The following PLCL1 variants were observed in gnomAD, a reference collection of about 807,000 sequenced individuals.
The protein encoded by PLCL1 is inactive phospholipase C-like protein 1.
In PLCL1, 41 loss-of-function variants were observed where a neutral mutation model predicts 84.4. That is an observed-to-expected ratio of 0.49 (90% CI 0.38 to 0.63). The LOEUF (loss-of-function observed/expected upper bound fraction) is 0.63, where lower values mean the gene tolerates loss of function less well. Among genes scored for constraint, PLCL1 ranks in the 30% least tolerant of loss-of-function variants. The pLI is 0.00. For missense variants in PLCL1, 1,206 were observed against 1,367.8 expected, an observed-to-expected ratio of 0.88 and a Z score of 1.87; for synonymous variants, 490 against 488.3, an observed-to-expected ratio of 1.00 and a Z score of -0.05.
rs1330239576 is a variant in PLCL1, at chr2:198,085,998, C to T, written c.2481C>T (p.Pro827=). ...ECLQPGYRHV[P]LRSFVGDIME... is the part of the protein sequence containing the mutation. ...TGCAGCCTGGATATCGGCATGTTCC[C>T]CTGCGTTCTTTTGTGGGTGACATCA... Residue 827 remains proline, a synonymous_variant, in exon 2 of 6, where the codon CCC becomes CCT. Coordinates refer to ENST00000428675, the MANE Select transcript of PLCL1 (RefSeq NM_006226.4). The surrounding 1 kb of genome is among the most constrained non-coding windows in gnomAD (Gnocchi z 5.3). The T allele has an allele frequency of 6.2e-7, 1 of 1,614,012 alleles. No individual in the cohort carries two copies. Among genetic ancestry groups the T allele is most frequent in the Admixed American group, 1.7e-5 (1 of 60,002 alleles).
intron 1 of PLCL1, among the ~76,000 whole-genome samples, chr2:197,958,992 A>G (rs752038792): frequency 6.6e-6 from 1 of 152,056 alleles, no homozygotes; most frequent in Non-Finnish European, 1.5e-5. Context: ...GCCAAGATAT[A>G]TCATCACTCA....
intron 1 of PLCL1, among the ~76,000 whole-genome samples, chr2:197,980,933 T>C (rs1188800124): frequency 6.6e-6 from 1 of 152,200 alleles, no homozygotes; most frequent in Admixed American, 6.5e-5. Flanking sequence ...CCAGCCTCAA[T>C]GAGATCTGGG....
chr2:197,897,184 TTCTTCTCCTTCTCC>T (rs1195173584), intron 1 of PLCL1, among the ~76,000 whole-genome samples: 4,030 of 27,844 alleles, frequency 0.14, 335 homozygotes, highest in African/African-American at 0.21. Context: ...CTTCTTCTTC[TTCTTCTCCTTCTCC>T]TTCTTCTTTC....
At chr2:197,936,096 G>A (rs1232955647) in intron 1 of PLCL1, among the ~76,000 whole-genome samples, 1 of 150,890 alleles carries the variant, frequency 6.6e-6, no homozygotes, top group African/African-American at 2.4e-5. Context: ...CAGCTGAGTA[G>A]TATTCTATTG....
At position 197,965,946 on chromosome 2, in the gene PLCL1, C is replaced by T. The variant is rs566836048; in HGVS notation, c.241-117812C>T. ...GCCCACAGCATGTACTACCTGGCTA[C>T]CACTCTTGACTATTCAGGGCCCAAG... On this transcript the variant is annotated intron_variant, in intron 1 of 5. Coordinates refer to ENST00000428675, the MANE Select transcript of PLCL1 (RefSeq NM_006226.4). Among the ~76,000 whole-genome samples, 34 of 152,190 alleles carry T rather than the reference C, an allele frequency of 2.2e-4. 2 individuals carry two copies. In the South Asian group the frequency reaches 6.9e-3, roughly 31 times the overall value.
chr2:198,101,333 GA>G lies in PLCL1; in HGVS notation c.2972del (p.Lys991ArgfsTer25). ...CATAGAAATGGCGGACACAGTCCAG[GA>G]AAAGATTGTACAGTGTCAGAAAGCA... Reference protein sequence around the residue: ...FLIEMADTVQEKIVQCQKAGM... With the variant: ...FLIEMADTVQXKIVQCQKAGM... On this transcript the variant is annotated frameshift_variant, in exon 4 of 6. Coordinates refer to ENST00000428675, the MANE Select transcript of PLCL1 (RefSeq NM_006226.4). LOFTEE classifies it high-confidence loss of function. 1.3e-6 allele frequency: 2 copies of G among 1,594,470 alleles called. No homozygotes were observed. Among genetic ancestry groups the G allele is most frequent in the Non-Finnish European group, 1.7e-6 (2 of 1,164,330 alleles).
chr2:197,846,881 T>C (rs1036623232), intron 1 of PLCL1, among the ~76,000 whole-genome samples: 3 of 152,156 alleles, frequency 2.0e-5, no homozygotes, highest in Non-Finnish European at 4.4e-5. Context: ...ATATATACAA[T>C]GGAAATTCTT....
chr2:197,828,240 G>C (rs981947368), intron 1 of PLCL1, among the ~76,000 whole-genome samples: 2 of 152,074 alleles, frequency 1.3e-5, no homozygotes, highest in Non-Finnish European at 2.9e-5. Context: ...CAAGAGGTTG[G>C]TTGGTTCACG....
chr2:198,083,836 A>G lies in PLCL1; in HGVS notation c.319A>G (p.Ser107Gly). The change falls in exon 2 of 6, where the codon AGT becomes GGT. Residue 107 changes from serine (S) to glycine (G), a missense_variant. Transcript: ENST00000428675. ...CATGCCATCGGAAAAGAAAATTAGC[A>G]GTGCAAATGACTGCATCAGCTTCAT... Reference protein sequence around the residue: ...SSMPSEKKISSANDCISFMQA... With the variant: ...SSMPSEKKISGANDCISFMQA... The G allele has an allele frequency of 3.7e-6, 6 of 1,612,002 alleles. No individual in the cohort carries two copies. Among genetic ancestry groups the G allele is most frequent in the Non-Finnish European group, 5.1e-6 (6 of 1,179,152 alleles).
At chr2:198,035,763 G>A (rs528810379) in intron 1 of PLCL1, among the ~76,000 whole-genome samples, 1 of 152,304 alleles carries the variant, frequency 6.6e-6, no homozygotes, top group African/African-American at 2.4e-5. Flanking sequence ...GGCTGGATGC[G>A]GTGGCTCACG....
At chr2:198,107,060 AG>A (rs1471965588) in intron 5 of PLCL1, among the ~76,000 whole-genome samples, 1 of 151,920 alleles carries the variant, frequency 6.6e-6, no homozygotes, top group Non-Finnish European at 1.5e-5. Context: ...TAAGAGAAAG[AG>A]GTTTAATTGT....
chr2:197,977,246 T>A (rs1444054549), intron 1 of PLCL1, among the ~76,000 whole-genome samples: 2 of 152,122 alleles, frequency 1.3e-5, no homozygotes, highest in Non-Finnish European at 2.9e-5. Context: ...TCCAATAACA[T>A]CATCAAAGAC....
intron 1 of PLCL1, among the ~76,000 whole-genome samples, chr2:198,070,622 C>A (rs188978558): frequency 1.3e-5 from 2 of 151,912 alleles, no homozygotes; most frequent in East Asian, 3.9e-4. Flanking sequence ...GTGCATTGAC[C>A]ATTCTCAAGA....
chr2:197,918,328 G>A (rs1049692056), intron 1 of PLCL1, among the ~76,000 whole-genome samples: 4 of 152,140 alleles, frequency 2.6e-5, no homozygotes, highest in African/African-American at 4.8e-5. Context: ...AGCCTAAGGC[G>A]GAGACATGTC....
intron 1 of PLCL1, among the ~76,000 whole-genome samples, chr2:197,883,693 C>A (rs1028160555): frequency 1.3e-5 from 2 of 152,064 alleles, no homozygotes; most frequent in African/African-American, 4.8e-5. Context: ...AAACCTAGGG[C>A]TGAATTGATA....
chr2:197,964,944 T>C (rs1207232097), intron 1 of PLCL1, among the ~76,000 whole-genome samples: 1 of 152,182 alleles, frequency 6.6e-6, no homozygotes, highest in Non-Finnish European at 1.5e-5. Context: ...TTGGTCATGA[T>C]GAATGATTTT....
intron 1 of PLCL1, among the ~76,000 whole-genome samples, chr2:197,903,355 A>T (rs1475000559): frequency 6.6e-6 from 1 of 151,974 alleles, no homozygotes; most frequent in Non-Finnish European, 1.5e-5. Context: ...CTCCTGCTCT[A>T]GTCCAATGCC....
At chr2:197,990,212 A>G (rs1690312681) in intron 1 of PLCL1, among the ~76,000 whole-genome samples, 2 of 152,150 alleles carry the variant, frequency 1.3e-5, no homozygotes, top group African/African-American at 2.4e-5. Context: ...AGCTGACATG[A>G]TGGGTAAAAA....
intron 1 of PLCL1, among the ~76,000 whole-genome samples, chr2:198,017,635 T>C (rs1691029571): frequency 6.6e-6 from 1 of 152,252 alleles, no homozygotes; most frequent in Admixed American, 6.5e-5. Flanking sequence ...TAATGATATT[T>C]GGCTTGTTGA....
Sources: gnomAD v4.1 joint callset for allele counts (sites outside exome capture counted in the v4.1 genomes callset) on GRCh38, gnomAD v4.1.1 for gene constraint, Gnocchi (gnomAD v3.1) non-coding constraint, MANE v1.5 for transcripts, NCBI Gene and HGNC (gene_info 2026-07-23, HGNC 2026-07-21) for gene names.